Variants in KCTD19 observed in about 807,000 individuals in gnomAD.
The protein encoded by KCTD19 is potassium channel tetramerization domain containing 19.
In KCTD19, 67 loss-of-function variants were observed where a neutral mutation model predicts 103.5. The observed-to-expected ratio is 0.65, with a 90% CI of 0.53 to 0.79. KCTD19 has a LOEUF of 0.79. KCTD19 is among the 30% of genes least tolerant of loss of function. The pLI is 0.00. For synonymous variants in KCTD19, 439 were observed against 452.2 expected (o/e 0.97, Z 0.37); for missense variants, 980 against 1,136.1 (o/e 0.86, Z 1.98).
At position 67,323,932 on chromosome 16, in the gene KCTD19, G is replaced by A. The variant is rs1310585721; in HGVS notation, c.3+2773C>T. On this transcript the variant is annotated intron_variant, in intron 1 of 15. Transcript: ENST00000304372. The surrounding 1 kb of genome is among the most constrained non-coding windows in gnomAD (Gnocchi z 4.1). ...TGAGGTACTGTCCATTCCATGGAGC[G>A]CATGCAGAACTCTCTTGGGATCTTA... Among the ~76,000 whole-genome samples the A allele has an allele frequency of 6.6e-6, 1 of 151,612 alleles. No homozygotes were observed. The highest frequency in any genetic ancestry group is 6.6e-5 in the Admixed American group (1 of 15,226).
Position 67,299,682 on chromosome 16 carries a change from G to A in KCTD19, c.776-109C>T, listed in dbSNP as rs766068763. The stretch of plus-strand genomic sequence containing the variant: ...GCCTCCATTGTACCGAGGAGGCTCA[G>A]AGGAAGGATATTTCTTTGCACAGTC... On this transcript the variant is annotated intron_variant, in intron 5 of 15. Transcript: ENST00000304372. The A allele has an allele frequency of 2.0e-4, 163 of 832,154 alleles. 1 individual carries two copies. In the South Asian group the frequency reaches 2.5e-3, roughly 13 times the overall value. The allele number at this position is 832,154 out of a possible 1,614,324, so 51.5% of individuals were successfully genotyped here. A position where few individuals can be genotyped will look rare whatever the true frequency, so the allele number is the denominator to read the frequency against.
At chr16:67,304,376 A>G in intron 3 of KCTD19, 45 bp downstream of exon 3, 1 of 1,600,680 alleles carries the variant, frequency 6.2e-7, no homozygotes, top group Non-Finnish European at 8.6e-7. Context: ...GAGGAGAGGG[A>G]AAGTTGGTGT....
chr16:67,298,910 AGCCTG>A (rs199700238), intron 6 of KCTD19, among the ~76,000 whole-genome samples: 1 of 152,172 alleles, frequency 6.6e-6, no homozygotes, highest in Non-Finnish European at 1.5e-5. Flanking sequence ...ACCTCTGGGA[AGCCTG>A]GCCTGGCCTG....
chr16:67,326,334 C>T (rs982385823), intron 1 of KCTD19, among the ~76,000 whole-genome samples: 1 of 152,076 alleles, frequency 6.6e-6, no homozygotes, highest in Admixed American at 6.5e-5. Flanking sequence ...CCCCATCATG[C>T]CTTAGAGTTC....
intron 2 of KCTD19, among the ~76,000 whole-genome samples, chr16:67,309,128 C>CAAAAAAA (rs60872060): frequency 2.6e-5 from 2 of 75,862 alleles, no homozygotes; most frequent in African/African-American, 4.3e-5. Context: ...GACTTCAGCT[C>CAAAAAAA]AAAAAAAAAA....
intron 6 of KCTD19, 73 bp downstream of exon 6, chr16:67,299,290 C>A: frequency 7.1e-7 from 1 of 1,414,668 alleles, no homozygotes. Context: ...GTGGGAAAGG[C>A]CCCAGGTTAT....
At chr16:67,316,467 T>G (rs1308150534) in intron 2 of KCTD19, among the ~76,000 whole-genome samples, 1 of 152,190 alleles carries the variant, frequency 6.6e-6, no homozygotes, top group Non-Finnish European at 1.5e-5. Flanking sequence ...TTTTATTCTT[T>G]CAACTAAATT....
intron 2 of KCTD19, among the ~76,000 whole-genome samples, 155 bp from the exon 3 acceptor site, chr16:67,304,726 C>T (rs1266974237): frequency 1.3e-5 from 2 of 150,944 alleles, no homozygotes; most frequent in African/African-American, 2.4e-5. Context: ...TGCAGTGGTG[C>T]GATCTCAGCT....
chr16:67,326,567 C>T, intron 1 of KCTD19, 138 bp downstream of exon 1: 1 of 1,192,144 alleles, frequency 8.4e-7, no homozygotes, highest in Non-Finnish European at 1.2e-6. Flanking sequence ...CCCCCAAATC[C>T]TTCCCGGCTG....
At chr16:67,291,489 G>A (rs751694923) in intron 13 of KCTD19, 26 bp from the exon 14 acceptor site, 1 of 1,609,516 alleles carries the variant, frequency 6.2e-7, no homozygotes, top group South Asian at 1.1e-5. Flanking sequence ...AGTGGATGTG[G>A]CCACATCTGT....
At chr16:67,314,799 T>TTTTATATATA (rs1403977344) in intron 2 of KCTD19, among the ~76,000 whole-genome samples, 1 of 45,896 alleles carries the variant, frequency 2.2e-5, no homozygotes, top group African/African-American at 1.1e-4. Context: ...TCACTTAGCA[T>TTTTATATATA]TATATATATA....
chr16:67,326,583 C>T (rs1205007772), intron 1 of KCTD19, 122 bp downstream of exon 1: 1 of 1,362,934 alleles, frequency 7.3e-7, no homozygotes, highest in Non-Finnish European at 9.9e-7. Context: ...GGCTGGGGGC[C>T]CCTCGCTCTC....
chr16:67,325,915 CTT>C (rs777824146), intron 1 of KCTD19: 5,122 of 129,198 alleles, frequency 0.04, 290 homozygotes, highest in African/African-American at 0.15. Flanking sequence ...AATTTCTTAC[CTT>C]TTTTTTTTTT....
chr16:67,293,414 G>T lies in KCTD19; in HGVS notation c.2218+130C>A. ...CAGTCATTTCTGTGTCTGCTGCCTGGCACAGAGATGGCATTGGTGAGCGGG... is the reference window on the plus strand; with the variant it reads ...CAGTCATTTCTGTGTCTGCTGCCTGTCACAGAGATGGCATTGGTGAGCGGG... On this transcript the variant is annotated intron_variant, in intron 12 of 15. Transcript: ENST00000304372. The surrounding 1 kb of genome is among the most constrained non-coding windows in gnomAD (Gnocchi z 4.0). 1.0e-6 allele frequency: 1 copy of T among 998,852 alleles called. No homozygotes were observed. The highest frequency in any genetic ancestry group is 1.5e-6 in the Non-Finnish European group (1 of 669,568). The allele number at this position is 998,852 out of a possible 1,614,324, so 61.9% of individuals were successfully genotyped here. A position where few individuals can be genotyped will look rare whatever the true frequency, so the allele number is the denominator to read the frequency against.
intron 2 of KCTD19, among the ~76,000 whole-genome samples, chr16:67,314,257 C>A (rs1041701086): frequency 2.0e-5 from 3 of 150,702 alleles, no homozygotes; most frequent in Admixed American, 1.3e-4. Context: ...CCTCTCTTCC[C>A]TTCCCTTCCT....
intron 1 of KCTD19, 131 bp downstream of exon 1, chr16:67,326,574 G>T: frequency 7.8e-7 from 1 of 1,282,088 alleles, no homozygotes; most frequent in Non-Finnish European, 1.1e-6. Flanking sequence ...ATCCTTCCCG[G>T]CTGGGGGCCC....
chr16:67,303,150 G>A lies in KCTD19; in HGVS notation c.639C>T (p.Phe213=). Residue 213 remains phenylalanine, a synonymous_variant, in exon 4 of 16, where the codon TTC becomes TTT. Transcript: ENST00000304372. This position sits in a 1 kb window ranked among gnomAD's most constrained non-coding sequence, Gnocchi z 4.3. ...LIECECSEFR[F]IVNFLRSQKI... is the part of the protein sequence containing the mutation. ...CACCCCGGACAGAGCAATCACCAAT[G>A]AAGCGGAACTCGCTGCACTCGCACT... 6.2e-7 allele frequency: 1 copy of A among 1,604,288 alleles called. No homozygotes were observed. The highest frequency in any genetic ancestry group is 8.5e-7 in the Non-Finnish European group (1 of 1,175,360).
Sources: allele counts gnomAD v4.1 joint callset (sites outside exome capture counted in the v4.1 genomes callset), GRCh38; gene constraint gnomAD v4.1.1; non-coding constraint Gnocchi (gnomAD v3.1); transcripts MANE v1.5; gene names NCBI Gene and HGNC (gene_info 2026-07-23, HGNC 2026-07-21).